The following ROBO1 variants were observed in gnomAD, a reference collection of about 807,000 sequenced individuals.
ROBO1 encodes roundabout homolog 1.
Under a neutral mutation model 195.9 loss-of-function variants are expected in ROBO1, and 149 were observed. The observed-to-expected ratio is 0.76, with a 90% CI of 0.67 to 0.87. ROBO1 has a LOEUF of 0.87. Ranked by LOEUF, ROBO1 falls within the 40% of genes least tolerant of loss-of-function variation. ROBO1 has a pLI of 0.00. For synonymous variants in ROBO1, 816 were observed against 733.2 expected (o/e 1.11, Z -1.82); for missense variants, 1,933 against 2,068.3 (o/e 0.93, Z 1.27).
chr3:79,425,977 T>C (rs1273502360), intron 2 of ROBO1, among the ~76,000 whole-genome samples: 1 of 152,180 alleles, frequency 6.6e-6, no homozygotes, highest in Non-Finnish European at 1.5e-5. Context: ...TTCACATAGA[T>C]TTAAAATTGA....
At chr3:78,950,522 G>A (rs187105785) in intron 3 of ROBO1, among the ~76,000 whole-genome samples, 1 of 91,546 alleles carries the variant, frequency 1.1e-5, no homozygotes, top group Admixed American at 1.8e-4. Context: ...GGGGTGGGGG[G>A]AGGGGGGAGG....
intron 3 of ROBO1, among the ~76,000 whole-genome samples, chr3:78,965,689 TA>T (rs1237731990): frequency 6.6e-6 from 1 of 152,180 alleles, no homozygotes; most frequent in African/African-American, 2.4e-5. Context: ...CTCACTTTTA[TA>T]AAGAAAATGT....
intron 2 of ROBO1, among the ~76,000 whole-genome samples, chr3:79,356,906 G>C (rs755515088): frequency 6.6e-6 from 1 of 152,118 alleles, no homozygotes; most frequent in Non-Finnish European, 1.5e-5. Context: ...ATGGTTTCAA[G>C]CCATTTAGTA....
chr3:78,725,672 A>G (rs1017612483), intron 5 of ROBO1, among the ~76,000 whole-genome samples: 2 of 152,244 alleles, frequency 1.3e-5, no homozygotes, highest in Admixed American at 6.5e-5. Context: ...TATTTCCAGA[A>G]TACAAGAAAC....
chr3:79,555,867 A>C (rs1407681581), intron 2 of ROBO1, among the ~76,000 whole-genome samples: 1 of 152,120 alleles, frequency 6.6e-6, no homozygotes, highest in Non-Finnish European at 1.5e-5. Context: ...TGTTAGAGCT[A>C]ATGTACTGGG....
intron 4 of ROBO1, among the ~76,000 whole-genome samples, chr3:78,758,241 T>C (rs978878119): frequency 6.6e-6 from 1 of 152,114 alleles, no homozygotes; most frequent in African/African-American, 2.4e-5. Flanking sequence ...CATTCCTCAC[T>C]GGGGGCAGTG....
At chr3:79,080,943 G>C (rs943194193) in intron 3 of ROBO1, among the ~76,000 whole-genome samples, 2 of 151,948 alleles carry the variant, frequency 1.3e-5, no homozygotes, top group Non-Finnish European at 2.9e-5. Context: ...TTTCTGAATA[G>C]AGCCAAGCAA....
chr3:79,767,255 G>A (rs1410995481), intron 1 of ROBO1, among the ~76,000 whole-genome samples: 1 of 152,040 alleles, frequency 6.6e-6, no homozygotes, highest in African/African-American at 2.4e-5. Context: ...GAACAACGGT[G>A]CGGTCAGCGG....
intron 3 of ROBO1, among the ~76,000 whole-genome samples, chr3:78,999,184 G>T (rs972487059): frequency 6.6e-6 from 1 of 151,986 alleles, no homozygotes; most frequent in Admixed American, 6.6e-5. Flanking sequence ...ACTTAGAACA[G>T]AACTACTATT....
chr3:78,623,795 C>G (rs1205058681), intron 26 of ROBO1, among the ~76,000 whole-genome samples: 5 of 152,068 alleles, frequency 3.3e-5, no homozygotes, highest in Admixed American at 1.3e-4. Flanking sequence ...CAGTAAAAAC[C>G]TACAGGAATA....
intron 1 of ROBO1, among the ~76,000 whole-genome samples, chr3:79,739,469 G>C (rs889461866): frequency 1.9e-4 from 29 of 152,112 alleles, no homozygotes; most frequent in African/African-American, 6.5e-4. Flanking sequence ...TAAGGGGAGT[G>C]CAAGTTTGGG....
chr3:79,358,819 A>C (rs2035658980), intron 2 of ROBO1, among the ~76,000 whole-genome samples: 1 of 152,098 alleles, frequency 6.6e-6, no homozygotes. Context: ...ACAATTATAT[A>C]AAATGACACA....
chr3:79,177,002 A>G (rs2081271699), intron 2 of ROBO1, among the ~76,000 whole-genome samples: 1 of 152,230 alleles, frequency 6.6e-6, no homozygotes. Flanking sequence ...AAGACAATCT[A>G]TATTCTTGAA....
At chr3:79,172,428 C>A (rs2081184158) in intron 2 of ROBO1, among the ~76,000 whole-genome samples, 1 of 152,102 alleles carries the variant, frequency 6.6e-6, no homozygotes, top group Non-Finnish European at 1.5e-5. Context: ...TTCATCATCC[C>A]CTTGGGAGAA....
At chr3:78,973,330 T>C (rs1001963062) in intron 3 of ROBO1, among the ~76,000 whole-genome samples, 2 of 151,454 alleles carry the variant, frequency 1.3e-5, no homozygotes, top group Non-Finnish European at 2.9e-5. Context: ...TAGACCAATA[T>C]CATCCATGTC....
At chr3:78,925,956 C>T (rs75053559) in intron 4 of ROBO1, among the ~76,000 whole-genome samples, 5 of 151,920 alleles carry the variant, frequency 3.3e-5, no homozygotes, top group Admixed American at 6.6e-5. Context: ...CTGCAACCTC[C>T]GCCTCCCAGG....
chr3:78,811,753 T>G (rs1452243336), intron 4 of ROBO1, among the ~76,000 whole-genome samples: 1 of 152,124 alleles, frequency 6.6e-6, no homozygotes, highest in Non-Finnish European at 1.5e-5. Flanking sequence ...GCCAGAATCT[T>G]AAGTAGCTAA....
At chr3:79,387,364 T>G (rs991409027) in intron 2 of ROBO1, among the ~76,000 whole-genome samples, 4 of 151,646 alleles carry the variant, frequency 2.6e-5, no homozygotes, top group African/African-American at 9.7e-5. Flanking sequence ...TATAAAATTT[T>G]TAAAAGATTG....
chr3:79,499,797 C>A (rs1939958069), intron 2 of ROBO1, among the ~76,000 whole-genome samples: 2 of 152,034 alleles, frequency 1.3e-5, no homozygotes, highest in South Asian at 4.1e-4. Context: ...TCATTAAGAT[C>A]AATGACTGGG....
Sources: allele counts gnomAD v4.1 joint callset (sites outside exome capture counted in the v4.1 genomes callset), GRCh38; gene constraint gnomAD v4.1.1; transcripts MANE v1.5; gene names NCBI Gene and HGNC (gene_info 2026-07-23, HGNC 2026-07-21).